Variants in ANKFN1 observed in about 807,000 individuals in gnomAD.
ANKFN1 encodes the protein ankyrin repeat and fibronectin type III domain containing 1, also known as ankyrin repeat and fibronectin type-III domain-containing protein 1.
Under a neutral mutation model 108.7 loss-of-function variants are expected in ANKFN1, and 74 were observed. The ratio of observed to expected loss-of-function variants is 0.68; its 90% CI spans 0.56 to 0.83. The LOEUF (loss-of-function observed/expected upper bound fraction) is 0.83, where lower values mean the gene tolerates loss of function less well. Ranked by LOEUF, ANKFN1 falls within the 40% of genes least tolerant of loss-of-function variation. The pLI, the probability that ANKFN1 is intolerant of heterozygous loss-of-function variation, is 0.00. For missense variants in ANKFN1, 1,505 were observed against 1,382.3 expected, an observed-to-expected ratio of 1.09 and a Z score of -1.41; for synonymous variants, 547 against 516.2, an observed-to-expected ratio of 1.06 and a Z score of -0.81.
chr17:56,198,128 A>T (rs1913686136), intron 1 of ANKFN1, among the ~76,000 whole-genome samples: 2 of 152,186 alleles, frequency 1.3e-5, no homozygotes, highest in African/African-American at 4.8e-5. Context: ...ATTACAGTGG[A>T]ACTTAGTTGT....
Position 56,135,232 on chromosome 17 carries a change from G to A in ANKFN1, c.288+88907G>A, listed in dbSNP as rs572360160. ...TGGCAAGCTACCTTAAAGCTGCAAT[G>A]ATAATTACTTTAAATGTAGTATTTG... On this transcript the variant is annotated intron_variant, in intron 4 of 12. Coordinates refer to the ANKFN1 transcript ENST00000635860. Among the ~76,000 whole-genome samples, 6 of 152,310 alleles carry A rather than the reference G, an allele frequency of 3.9e-5. No individual in the cohort carries two copies. The South Asian group carries it at 6.2e-4, about 16-fold the overall frequency.
chr17:56,456,065 T>G (rs1225595357), intron 11 of ANKFN1, among the ~76,000 whole-genome samples: 1 of 152,210 alleles, frequency 6.6e-6, no homozygotes, highest in Non-Finnish European at 1.5e-5. Context: ...GCTCTTTTTT[T>G]TCTATTCTCC....
At chr17:56,459,759 T>A (rs2049839287) in intron 14 of ANKFN1, among the ~76,000 whole-genome samples, 1 of 152,116 alleles carries the variant, frequency 6.6e-6, no homozygotes, top group Admixed American at 6.6e-5. Context: ...ATCAGGCTGT[T>A]ACAAGTCAGT....
intron 8 of ANKFN1, among the ~76,000 whole-genome samples, chr17:56,416,697 G>A (rs372729981): frequency 8.5e-5 from 13 of 152,118 alleles, no homozygotes; most frequent in Admixed American, 3.3e-4. Context: ...CGGCGATCCC[G>A]CTGCTAGATA....
chr17:56,283,846 A>T (rs2144261717), intron 3 of ANKFN1, among the ~76,000 whole-genome samples: 1 of 152,142 alleles, frequency 6.6e-6, no homozygotes, highest in African/African-American at 2.4e-5. Context: ...TGAAGAACTT[A>T]CTCATGTAAC....
intron 4 of ANKFN1, among the ~76,000 whole-genome samples, chr17:56,087,022 C>A (rs1488198801): frequency 6.6e-6 from 1 of 151,244 alleles, no homozygotes; most frequent in African/African-American, 2.4e-5. Context: ...GATGATATGT[C>A]TAAAATGGTA....
Position 56,210,745 on chromosome 17 carries a change from G to A in ANKFN1, c.-70-1853G>A, listed in dbSNP as rs538866591. Among the ~76,000 whole-genome samples the A allele has an allele frequency of 1.7e-3, 257 of 152,286 alleles. 2 individuals carry two copies. Among genetic ancestry groups the A allele is most frequent in the African/African-American group, 5.9e-3 (245 of 41,560 alleles). ...AGGCCTCAGGAAATCTACAATCATG[G>A]CGGAAGGCACCTCTTCACAGGGTAG... On this transcript the variant is annotated intron_variant, in intron 1 of 20. Transcript: ENST00000682825.
intron 3 of ANKFN1, among the ~76,000 whole-genome samples, chr17:56,318,720 G>A (rs181794513): frequency 6.6e-6 from 1 of 152,264 alleles, no homozygotes; most frequent in East Asian, 1.9e-4. Flanking sequence ...CAGCCAATCT[G>A]TATTCTTTTA....
intron 4 of ANKFN1, among the ~76,000 whole-genome samples, chr17:56,118,837 G>C (rs112177596): frequency 6.6e-6 from 1 of 152,054 alleles, no homozygotes; most frequent in Non-Finnish European, 1.5e-5. Context: ...AAGAGATTTG[G>C]TCTCTGTCCT....
At chr17:56,368,275 A>AGTT in intron 6 of ANKFN1, 1 of 31,328 alleles carries the variant, frequency 3.2e-5, no homozygotes, top group Non-Finnish European at 1.0e-4. Flanking sequence ...CTGAAAATGA[A>AGTT]CTTTTTTTTT....
At chr17:56,099,101 T>C (rs1905591208) in intron 4 of ANKFN1, among the ~76,000 whole-genome samples, 1 of 152,172 alleles carries the variant, frequency 6.6e-6, no homozygotes, top group South Asian at 2.1e-4. Context: ...AGAAGTGACA[T>C]GCTATTTTTC....
At chr17:56,448,963 T>G (rs1598627169) in intron 10 of ANKFN1, 116 bp from the exon 11 acceptor site, 1 of 730,286 alleles carries the variant, frequency 1.4e-6, no homozygotes, top group Non-Finnish European at 2.3e-6. Context: ...ATGTGCGGGG[T>G]GCTCATCCGC....
chr17:56,244,970 G>A (rs947660019), intron 3 of ANKFN1, among the ~76,000 whole-genome samples: 2 of 151,980 alleles, frequency 1.3e-5, no homozygotes, highest in Non-Finnish European at 2.9e-5. Context: ...TCCCAAAAGA[G>A]GCTTTCAATA....
intron 1 of ANKFN1, among the ~76,000 whole-genome samples, chr17:56,169,875 G>C (rs1418237269): frequency 6.6e-6 from 1 of 152,142 alleles, no homozygotes; most frequent in Non-Finnish European, 1.5e-5. Context: ...GTCCCCTAAG[G>C]CTGCTCTTTG....
chr17:56,299,762 T>C (rs1267207296), intron 3 of ANKFN1, among the ~76,000 whole-genome samples: 1 of 152,214 alleles, frequency 6.6e-6, no homozygotes, highest in African/African-American at 2.4e-5. Context: ...GCTAGCACAA[T>C]AGCTGGCACA....
chr17:56,242,594 A>G (rs973537881), intron 3 of ANKFN1, among the ~76,000 whole-genome samples: 2 of 152,102 alleles, frequency 1.3e-5, no homozygotes, highest in Admixed American at 6.6e-5. Context: ...AAGATTGTCT[A>G]CAATCATATA....
At chr17:56,305,651 A>C (rs778855005) in intron 3 of ANKFN1, among the ~76,000 whole-genome samples, 39 of 152,334 alleles carry the variant, frequency 2.6e-4, no homozygotes, top group Non-Finnish European at 4.7e-4. Flanking sequence ...ATGTTGTTAA[A>C]GTCCAATTTG....
At chr17:56,366,706 G>A (rs1341072348) in intron 6 of ANKFN1, among the ~76,000 whole-genome samples, 1 of 152,180 alleles carries the variant, frequency 6.6e-6, no homozygotes, top group African/African-American at 2.4e-5. Context: ...TGCTGTACAG[G>A]TGTATAACCT....
chr17:56,186,288 G>T (rs1912197068), intron 1 of ANKFN1, among the ~76,000 whole-genome samples: 1 of 151,632 alleles, frequency 6.6e-6, no homozygotes, highest in Admixed American at 6.6e-5. Context: ...GGCCGTGCCA[G>T]CCTTCTTGAG....
Sources: allele counts gnomAD v4.1 joint callset (sites outside exome capture counted in the v4.1 genomes callset), GRCh38; gene constraint gnomAD v4.1.1; transcripts MANE v1.5; gene names NCBI Gene and HGNC (gene_info 2026-07-23, HGNC 2026-07-21).